PURG: variants seen among roughly 807,000 people sequenced by gnomAD.
PURG encodes purine-rich element-binding protein gamma.
A neutral mutation model predicts 24.3 loss-of-function variants in PURG; 3 were observed. The observed-to-expected ratio is 0.12, with a 90% CI of 0.06 to 0.32. The LOEUF (loss-of-function observed/expected upper bound fraction) is 0.32, where lower values mean the gene tolerates loss of function less well. Ranked by LOEUF, PURG falls within the 10% of genes least tolerant of loss-of-function variation. The pLI is 1.00. For missense variants in PURG, 371 were observed against 439.1 expected, an observed-to-expected ratio of 0.84 and a Z score of 1.39; for synonymous variants, 180 against 173.1, an observed-to-expected ratio of 1.04 and a Z score of -0.31.
At chr8:31,025,363 A>G (rs904035182) in intron 1 of PURG, among the ~76,000 whole-genome samples, 2 of 151,926 alleles carry the variant, frequency 1.3e-5, no homozygotes, top group Admixed American at 1.3e-4. Flanking sequence ...TGCTTTTAAA[A>G]TATGTTTAAG....
intron 1 of PURG, among the ~76,000 whole-genome samples, chr8:31,019,109 G>A: frequency 2.1e-5 from 2 of 93,822 alleles, no homozygotes; most frequent in African/African-American, 4.5e-5. Context: ...GGGTGACAGA[G>A]CGAGACTCTG....
chr8:31,001,187 C>G lies in PURG; in HGVS notation c.865-4490G>C, dbSNP rs1417604175. ...CCACAATTTATCTTGTTAATACACA[C>G]ACGTATTTTCTTGACTTTGTAAAAG... On this transcript the variant is annotated intron_variant, in intron 1 of 1. Coordinates refer to the PURG transcript ENST00000339382. Among the ~76,000 whole-genome samples the G allele has an allele frequency of 2.0e-5, 3 of 152,176 alleles. No individual in the cohort carries two copies. In the East Asian group the frequency reaches 5.8e-4, roughly 29 times the overall value.
intron 1 of PURG, among the ~76,000 whole-genome samples, chr8:30,998,591 A>G (rs1810474774): frequency 6.6e-6 from 1 of 151,956 alleles, no homozygotes; most frequent in East Asian, 1.9e-4. Context: ...GTATTAATAT[A>G]TTTTTATAAT....
intron 1 of PURG, among the ~76,000 whole-genome samples, chr8:31,022,804 T>G (rs185714204): frequency 2.9e-4 from 44 of 152,326 alleles, no homozygotes; most frequent in Admixed American, 2.6e-3. Flanking sequence ...TAAACCACAT[T>G]GCTAGTTTGA....
At chr8:31,001,398 C>T (rs1810532841) in intron 1 of PURG, among the ~76,000 whole-genome samples, 1 of 152,186 alleles carries the variant, frequency 6.6e-6, no homozygotes, top group Non-Finnish European at 1.5e-5. Flanking sequence ...ACAGTTATTT[C>T]TCACCATATC....
intron 1 of PURG, among the ~76,000 whole-genome samples, chr8:31,017,994 T>C (rs1203425727): frequency 6.6e-6 from 1 of 152,206 alleles, no homozygotes; most frequent in Non-Finnish European, 1.5e-5. Context: ...AATAGCACTA[T>C]AAATACTAAA....
In PURG at chr8:31,032,901, C is replaced by T; in HGVS notation, c.-6-113G>A. 1 of 769,208 alleles carries T rather than the reference C, an allele frequency of 1.3e-6. No homozygotes were observed. The highest frequency in any genetic ancestry group is 1.7e-6 in the Non-Finnish European group (1 of 584,028). 47.6% of individuals were successfully genotyped at this position (769,208 alleles called of 1,614,324 possible). A position where few individuals can be genotyped will look rare whatever the true frequency, so the allele number is the denominator to read the frequency against. ...GCCGCCCGCGACCCCCACGCCGGGC[C>T]CGGCTCCCCCGGCGCCGCAGCGCGG... On this transcript the variant is annotated intron_variant, in intron 1 of 1. Transcript: ENST00000523392. The surrounding 1 kb of genome is among the most constrained non-coding windows in gnomAD (Gnocchi z 5.9).
At chr8:31,025,960 G>GA (rs1433695429), downstream of PURG, among the ~76,000 whole-genome samples, 3 of 151,754 alleles carry the variant, frequency 2.0e-5, no homozygotes, top group Non-Finnish European at 4.4e-5. Context: ...GTCCTTCAGT[G>GA]AAAAATCAAT....
intron 1 of PURG, among the ~76,000 whole-genome samples, chr8:30,999,914 T>C (rs530788556): frequency 3.3e-5 from 5 of 152,120 alleles, no homozygotes; most frequent in East Asian, 1.9e-4. Flanking sequence ...ACGGTTTGTT[T>C]AGGCGAATTT....
chr8:31,032,192 C>G lies in PURG; in HGVS notation c.591G>C (p.Arg197=). 6.2e-7 allele frequency: 1 copy of G among 1,614,160 alleles called. No homozygotes were observed. The highest frequency in any genetic ancestry group is 8.5e-7 in the Non-Finnish European group (1 of 1,180,008). ...TCCCCCGCATCATGGTTTGTCTAAT[C>G]CGTAGGAAGCGACCCCGCTGATTTT... ...LKENQRGRFL[R]IRQTMMRGTG... Residue 197 remains arginine (R), a synonymous_variant, in exon 2 of 2, where the codon CGG becomes CGC. Transcript: ENST00000523392. The surrounding 1 kb of genome is among the most constrained non-coding windows in gnomAD (Gnocchi z 5.9).
chr8:31,008,367 G>A (rs1348651145), intron 1 of PURG, among the ~76,000 whole-genome samples: 2 of 152,094 alleles, frequency 1.3e-5, no homozygotes, highest in Non-Finnish European at 2.9e-5. Context: ...GCATGATCTC[G>A]GCTCGCTGCC....
intron 1 of PURG, among the ~76,000 whole-genome samples, chr8:31,023,460 G>A (rs991940184): frequency 3.3e-5 from 5 of 151,732 alleles, no homozygotes; most frequent in Admixed American, 6.6e-5. Context: ...TGGCAGTGGC[G>A]GGGCACTGCA....
intron 1 of PURG, among the ~76,000 whole-genome samples, chr8:30,997,696 A>G (rs1361212458): frequency 6.6e-6 from 1 of 151,778 alleles, no homozygotes; most frequent in African/African-American, 2.4e-5. Flanking sequence ...TCCACTTTGA[A>G]ATAATTTTCT....
At chr8:31,023,647 C>G (rs537665252) in intron 1 of PURG, among the ~76,000 whole-genome samples, 6 of 152,020 alleles carry the variant, frequency 3.9e-5, no homozygotes, top group Non-Finnish European at 8.8e-5. Context: ...CATCCTTTGA[C>G]GTTTCTTAAG....
chr8:30,999,964 G>A (rs1013367384), intron 1 of PURG, among the ~76,000 whole-genome samples: 1 of 92,350 alleles, frequency 1.1e-5, no homozygotes, highest in Non-Finnish European at 2.0e-5. Context: ...AGTCGTATGT[G>A]TTTTCCTTTA....
chr8:31,002,829 T>C (rs981373322), intron 1 of PURG, among the ~76,000 whole-genome samples: 2 of 152,206 alleles, frequency 1.3e-5, no homozygotes, highest in African/African-American at 2.4e-5. Context: ...GCAGTGTTCA[T>C]ATTCAAGTGG....
rs1811254260 is a variant in PURG, at chr8:31,032,625, C to T, written c.158G>A (p.Gly53Asp). Residue 53 changes from glycine to aspartate, a missense_variant, in exon 2 of 2, where the codon GGC becomes GAC. By Grantham distance (94) the Gly-to-Asp change is moderately conservative. Coordinates refer to ENST00000523392, the MANE Select transcript of PURG (RefSeq NM_001323311.2). The surrounding 1 kb of genome is among the most constrained non-coding windows in gnomAD (Gnocchi z 5.9). ...AASATPNQAG[G>D]AAEIQELASK... The stretch of plus-strand genomic sequence containing the variant: ...GGCCAGCTCCTGGATTTCGGCTGCG[C>T]CCCCGGCCTGATTAGGGGTGGCTGA... 6.2e-7 allele frequency: 1 copy of T among 1,601,180 alleles called. No homozygotes were observed. The highest frequency in any genetic ancestry group is 8.5e-7 in the Non-Finnish European group (1 of 1,172,824).
intron 1 of PURG, among the ~76,000 whole-genome samples, chr8:31,020,205 T>C (rs893806709): frequency 6.6e-6 from 1 of 152,170 alleles, no homozygotes; most frequent in African/African-American, 2.4e-5. Flanking sequence ...AAATGCGATA[T>C]GCTTTTAGAA....
At chr8:31,016,824 T>C (rs567115622) in intron 1 of PURG, among the ~76,000 whole-genome samples, 105 of 152,268 alleles carry the variant, frequency 6.9e-4, no homozygotes, top group Non-Finnish European at 1.3e-3. Flanking sequence ...TTTTAAAGGA[T>C]GCAACTGCTG....
Sources: gnomAD v4.1 joint callset for allele counts (sites outside exome capture counted in the v4.1 genomes callset) on GRCh38, gnomAD v4.1.1 for gene constraint, Gnocchi (gnomAD v3.1) non-coding constraint, MANE v1.5 for transcripts, NCBI Gene and HGNC (gene_info 2026-07-23, HGNC 2026-07-21) for gene names.